Variants in MGAM2 observed in about 807,000 individuals in gnomAD.
MGAM2 encodes the protein maltase-glucoamylase 2 (putative).
MGAM2 carries 98 observed loss-of-function variants against 96.1 expected under a neutral mutation model. The observed-to-expected ratio is 1.02, with a 90% CI of 0.87 to 1.21. MGAM2 has a LOEUF of 1.21. Among genes scored for constraint, MGAM2 ranks in the 50% most tolerant of loss-of-function variants. The pLI is 0.00. For missense variants in MGAM2, 2,055 were observed against 1,182.4 expected (o/e 1.74, Z -10.82); for synonymous variants, 749 against 414.8 (o/e 1.81, Z -9.79).
At chr7:142,151,058 A>G (rs550796783) in intron 15 of MGAM2, among the ~76,000 whole-genome samples, 31 of 152,198 alleles carry the variant, frequency 2.0e-4, no homozygotes, top group Non-Finnish European at 3.5e-4. Context: ...TCATATTCCA[A>G]TATGCTTAGT....
chr7:142,132,821 AATT>A (rs1198105143), intron 6 of MGAM2, among the ~76,000 whole-genome samples: 13 of 127,716 alleles, frequency 1.0e-4, no homozygotes, highest in African/African-American at 4.0e-4. Flanking sequence ...TATAATATAT[AATT>A]ATAAGTAATA....
In MGAM2 at chr7:142,138,533, T is replaced by C; in HGVS notation, c.961-9T>C. Reference sequence around the variant, plus strand: ...TTCTCAAAGCCTACACACTTACTTATCTTTTCAGCTTGTTGGACGGCCATT... The same window carrying C: ...TTCTCAAAGCCTACACACTTACTTACCTTTTCAGCTTGTTGGACGGCCATT... On this transcript the variant is annotated splice_polypyrimidine_tract_variant and intron_variant, in intron 9 of 47. Coordinates refer to ENST00000477922, the MANE Select transcript of MGAM2 (RefSeq NM_001293626.2). The C allele has an allele frequency of 1.4e-6, 1 of 702,496 alleles. No individual in the cohort carries two copies. 43.5% of individuals were successfully genotyped at this position (702,496 alleles called of 1,614,324 possible).
At chr7:142,167,928 G>C (rs537988020) in intron 26 of MGAM2, among the ~76,000 whole-genome samples, 170 of 152,298 alleles carry the variant, frequency 1.1e-3, no homozygotes, top group African/African-American at 3.9e-3. Flanking sequence ...AAGGCCTGTA[G>C]AGAGGTAAAG....
intron 1 of MGAM2, among the ~76,000 whole-genome samples, chr7:142,113,526 G>GT (rs66974460): frequency 1.6e-3 from 242 of 149,380 alleles, no homozygotes; most frequent in African/African-American, 5.0e-3. Flanking sequence ...AGATTCCTAG[G>GT]TTTTTTTTTT....
At chr7:142,184,557 A>C (rs753501605) in intron 33 of MGAM2, among the ~76,000 whole-genome samples, 1 of 152,208 alleles carries the variant, frequency 6.6e-6, no homozygotes, top group Non-Finnish European at 1.5e-5. Context: ...TGTTGATTGA[A>C]TCAATTAATC....
Position 142,167,450 on chromosome 7 carries a change from A to T in MGAM2, c.2991A>T (p.Lys997Asn). 2 of 703,026 alleles carry T rather than the reference A, an allele frequency of 2.8e-6. No homozygotes were observed. The highest frequency in any genetic ancestry group is 5.2e-6 in the Non-Finnish European group (2 of 384,992). 43.5% of individuals were successfully genotyped at this position (703,026 alleles called of 1,614,324 possible). ...LSAKISFLHL[K>N]VIYHTATMLQ... Reference sequence around the variant, plus strand: ...CAAAGATCAGCTTCCTCCACCTGAAAGTGATCTATCACACAGCAACCATGC... The same window carrying T: ...CAAAGATCAGCTTCCTCCACCTGAATGTGATCTATCACACAGCAACCATGC... Residue 997 changes from lysine to asparagine, a missense_variant, in exon 26 of 48, where the codon AAA becomes AAT. By Grantham distance (94) the Lys-to-Asn change is moderately conservative. Coordinates refer to ENST00000477922, the MANE Select transcript of MGAM2 (RefSeq NM_001293626.2).
chr7:142,146,224 A>G (rs1213862842), intron 14 of MGAM2, among the ~76,000 whole-genome samples: 33 of 110,536 alleles, frequency 3.0e-4, no homozygotes, highest in African/African-American at 1.1e-3. Context: ...TTTTTTCCCT[A>G]TGGAAAACCT....
rs775104257 is a variant in MGAM2, at chr7:142,173,337, G to A, written c.3670G>A (p.Ala1224Thr). The A allele has an allele frequency of 1.4e-4, 95 of 702,276 alleles. No homozygotes were observed. Among genetic ancestry groups the A allele is most frequent in the Non-Finnish European group, 2.9e-5 (11 of 384,568 alleles). 43.5% of individuals were successfully genotyped at this position (702,276 alleles called of 1,614,324 possible). ...CTCCAGTTTGTATGATGCAATGGTG[G>A]CAGCCCAGATTCCCTATGTATGAAA... ...EISSLYDAMV[A>T]AQIPYDVQHV... Residue 1224 changes from alanine to threonine, a missense_variant, in exon 31 of 48, where the codon GCA becomes ACA. Transcript: ENST00000477922.
chr7:142,180,764 A>T (rs945825055), intron 32 of MGAM2, among the ~76,000 whole-genome samples: 1 of 151,812 alleles, frequency 6.6e-6, no homozygotes, highest in Admixed American at 6.6e-5. Flanking sequence ...TTTTTTTCTG[A>T]CTGGGTTGTT....
In MGAM2 at chr7:142,171,258, C is replaced by T. The variant is rs1452061226; in HGVS notation, c.3183-14C>T. The T allele has an allele frequency of 1.4e-6, 1 of 702,308 alleles. No homozygotes were observed. The highest frequency in any genetic ancestry group is 2.6e-6 in the Non-Finnish European group (1 of 384,454). 43.5% of individuals were successfully genotyped at this position (702,308 alleles called of 1,614,324 possible). A position where few individuals can be genotyped will look rare whatever the true frequency, so the allele number is the denominator to read the frequency against. Reference sequence around the variant, plus strand: ...GTGGTCTCCAGCTCAGCGTGATCTGCTTTTGTGTTGCAGTTGGGATTCTCA... The same window carrying T: ...GTGGTCTCCAGCTCAGCGTGATCTGTTTTTGTGTTGCAGTTGGGATTCTCA... On this transcript the variant is annotated splice_polypyrimidine_tract_variant and intron_variant, in intron 27 of 47. Transcript: ENST00000477922.
rs1345252014 is a variant in MGAM2, at chr7:142,166,197, C to G, written c.2752C>G (p.Pro918Ala). 1 of 702,400 alleles carries G rather than the reference C, an allele frequency of 1.4e-6. No individual in the cohort carries two copies. Among genetic ancestry groups the G allele is most frequent in the Non-Finnish European group, 2.6e-6 (1 of 384,716 alleles). The allele number at this position is 702,400 out of a possible 1,614,324, so 43.5% of individuals were successfully genotyped here. Residue 918 changes from proline to alanine, a missense_variant, in exon 25 of 48, where the codon CCT becomes GCT. Physicochemically the swap from Pro to Ala is conservative, Grantham distance 27. Coordinates refer to ENST00000477922, the MANE Select transcript of MGAM2 (RefSeq NM_001293626.2). ...TGACCTGGAGAAGTTCAACTGCTAC[C>G]CTGATGATCCAACAGCCTCTGAGGA... ...VSDLEKFNCY[P>A]DDPTASEESC...
rs576318860 is a variant in MGAM2, at chr7:142,170,156, C to A, written c.3109C>A (p.Arg1037Ser). The change falls in exon 27 of 48, where the codon CGT becomes AGT. Residue 1037 changes from arginine to serine, a missense_variant. Transcript: ENST00000477922. The part of the protein sequence containing the change: ...PPQPVGDPEN[R>S]LYDVRIQNNP... Reference sequence around the variant, plus strand: ...CCAACCAGTTGGTGACCCTGAAAACCGTCTGTATGATGTCAGGATTCAGAA... The same window carrying A: ...CCAACCAGTTGGTGACCCTGAAAACAGTCTGTATGATGTCAGGATTCAGAA... 1.4e-6 allele frequency: 1 copy of A among 702,796 alleles called. No individual in the cohort carries two copies. Among genetic ancestry groups the A allele is most frequent in the South Asian group, 1.5e-5 (1 of 67,590 alleles). The allele number at this position is 702,796 out of a possible 1,614,324, so 43.5% of individuals were successfully genotyped here.
chr7:142,205,711 CT>C (rs1301318587), intron 45 of MGAM2, among the ~76,000 whole-genome samples: 1 of 152,052 alleles, frequency 6.6e-6, no homozygotes, highest in Non-Finnish European at 1.5e-5. Flanking sequence ...CTAAAAGTCC[CT>C]TATCCGATGC....
chr7:142,122,216 T>C (rs982122077), intron 3 of MGAM2, among the ~76,000 whole-genome samples: 2 of 152,252 alleles, frequency 1.3e-5, no homozygotes, highest in African/African-American at 2.4e-5. Context: ...TCTATTAATC[T>C]ATCTGATTTC....
At chr7:142,147,950 C>A (rs1427042593) in intron 15 of MGAM2, among the ~76,000 whole-genome samples, 1 of 152,096 alleles carries the variant, frequency 6.6e-6, no homozygotes, top group East Asian at 1.9e-4. Context: ...CATTCTCATA[C>A]TAAAAATTAC....
At chr7:142,167,020 A>G (rs1296598508) in intron 25 of MGAM2, among the ~76,000 whole-genome samples, 4 of 152,194 alleles carry the variant, frequency 2.6e-5, no homozygotes. Flanking sequence ...TAAGGATACC[A>G]GTAATACCGG....
At chr7:142,169,399 C>G (rs562183807) in intron 26 of MGAM2, among the ~76,000 whole-genome samples, 12 of 151,518 alleles carry the variant, frequency 7.9e-5, no homozygotes, top group African/African-American at 2.9e-4. Context: ...TCCGAGCTGG[C>G]GACAGAGTGA....
At chr7:142,155,205 C>T (rs932765069) in intron 17 of MGAM2, among the ~76,000 whole-genome samples, 1 of 152,104 alleles carries the variant, frequency 6.6e-6, no homozygotes, top group Non-Finnish European at 1.5e-5. Context: ...TATGGAGGAA[C>T]AAGGAGAAAG....
intron 10 of MGAM2, among the ~76,000 whole-genome samples, chr7:142,139,289 G>A (rs1795147795): frequency 6.6e-6 from 1 of 152,170 alleles, no homozygotes; most frequent in Non-Finnish European, 1.5e-5. Flanking sequence ...TCCAGGAGAT[G>A]CATAACATGT....
Sources: gnomAD v4.1 joint callset for allele counts (sites outside exome capture counted in the v4.1 genomes callset) on GRCh38, gnomAD v4.1.1 for gene constraint, MANE v1.5 for transcripts, NCBI Gene and HGNC (gene_info 2026-07-23, HGNC 2026-07-21) for gene names.